GALNT18: variants seen among roughly 807,000 people sequenced by gnomAD.
GALNT18 encodes the protein GalNAc-transferase 18.
GALNT18 carries 44 observed loss-of-function variants against 69.5 expected under a neutral mutation model. That is an observed-to-expected ratio of 0.63 (90% CI 0.50 to 0.81). The LOEUF (loss-of-function observed/expected upper bound fraction) is 0.81, where lower values mean the gene tolerates loss of function less well. Among genes scored for constraint, GALNT18 ranks in the 40% least tolerant of loss-of-function variants. GALNT18 has a pLI of 0.00. For synonymous variants in GALNT18, 364 were observed against 318.2 expected (o/e 1.14, Z -1.53); for missense variants, 715 against 810.0 (o/e 0.88, Z 1.42).
At chr11:11,308,625 T>C (rs1052962735) in intron 9 of GALNT18, among the ~76,000 whole-genome samples, 1 of 152,160 alleles carries the variant, frequency 6.6e-6, no homozygotes, top group African/African-American at 2.4e-5. Flanking sequence ...GGATTCAAGG[T>C]GGAGTTGACA....
At chr11:11,434,930 T>G (rs770848251) in intron 2 of GALNT18, among the ~76,000 whole-genome samples, 1 of 152,218 alleles carries the variant, frequency 6.6e-6, no homozygotes, top group East Asian at 1.9e-4. Context: ...AGACCAGCAG[T>G]TGGGTTTTCC....
Position 11,564,451 on chromosome 11 carries a change from A to AC in GALNT18, c.235+56907dup, listed in dbSNP as rs139973965. Reference sequence around the variant, plus strand: ...ACATAAAATAGCTCCATCACATGAGACCCCCCTGGGTCTTCTCATCCATGC... The same window carrying AC: ...ACATAAAATAGCTCCATCACATGAGACCCCCCCTGGGTCTTCTCATCCATGC... On this transcript the variant is annotated intron_variant, in intron 1 of 10. Coordinates refer to ENST00000227756, the MANE Select transcript of GALNT18 (RefSeq NM_198516.3). This position sits in a 1 kb window ranked among gnomAD's most constrained non-coding sequence, Gnocchi z 4.3. Among the ~76,000 whole-genome samples, 883 of 151,786 alleles carry AC rather than the reference A, an allele frequency of 5.8e-3. 5 individuals are homozygous for AC. The highest frequency in any genetic ancestry group is 0.021 in the African/African-American group (852 of 41,332).
intron 1 of GALNT18, among the ~76,000 whole-genome samples, chr11:11,509,532 C>A (rs1452462465): frequency 2.0e-5 from 3 of 152,230 alleles, no homozygotes; most frequent in East Asian, 3.8e-4. Context: ...GGCCTAGCAT[C>A]ATGTGCTATG....
chr11:11,273,043 G>T (rs148300026), intron 10 of GALNT18, among the ~76,000 whole-genome samples: 1 of 152,128 alleles, frequency 6.6e-6, no homozygotes, highest in South Asian at 2.1e-4. Context: ...ATCAAAATAG[G>T]TTAAAGACTT....
intron 6 of GALNT18, among the ~76,000 whole-genome samples, chr11:11,357,413 G>T (rs1405813061): frequency 1.3e-5 from 2 of 152,076 alleles, no homozygotes; most frequent in East Asian, 3.9e-4. Context: ...GAGTCCCTCT[G>T]CCTCCCTTTC....
chr11:11,504,539 T>C (rs985050771), intron 1 of GALNT18, among the ~76,000 whole-genome samples: 7 of 152,172 alleles, frequency 4.6e-5, no homozygotes, highest in African/African-American at 1.7e-4. Flanking sequence ...GGTGGATTGC[T>C]TGAGCTCAGG....
chr11:11,618,981 C>T lies in GALNT18; in HGVS notation c.235+2378G>A, dbSNP rs1427935301. Among the ~76,000 whole-genome samples the T allele has an allele frequency of 6.6e-6, 1 of 152,132 alleles. No homozygotes were observed. Among genetic ancestry groups the T allele is most frequent in the Admixed American group, 6.5e-5 (1 of 15,284 alleles). ...GCTTGATCTTATTGTCCTTTACCAC[C>T]CTCTGCCTTCAGAGAGCTGCACTTG... On this transcript the variant is annotated intron_variant, in intron 1 of 10. Transcript: ENST00000227756. This position sits in a 1 kb window ranked among gnomAD's most constrained non-coding sequence, Gnocchi z 6.1.
At chr11:11,574,375 G>A (rs1247791563) in intron 1 of GALNT18, among the ~76,000 whole-genome samples, 1 of 152,226 alleles carries the variant, frequency 6.6e-6, no homozygotes, top group Non-Finnish European at 1.5e-5. Context: ...CTGAGGGCTG[G>A]ATAGGTACCA....
At position 11,605,423 on chromosome 11, in the gene GALNT18, G is replaced by A. The variant is rs1043586831; in HGVS notation, c.235+15936C>T. ...CTGTCTCCTGAGTGCGAAACAGCAAGTCCTAACTTGCCAGGCCGCCAGTCA... is the reference window on the plus strand; with the variant it reads ...CTGTCTCCTGAGTGCGAAACAGCAAATCCTAACTTGCCAGGCCGCCAGTCA... On this transcript the variant is annotated intron_variant, in intron 1 of 10. Coordinates refer to ENST00000227756, the MANE Select transcript of GALNT18 (RefSeq NM_198516.3). The surrounding 1 kb of genome is among the most constrained non-coding windows in gnomAD (Gnocchi z 4.7). Among the ~76,000 whole-genome samples, 1 of 152,190 alleles carries A rather than the reference G, an allele frequency of 6.6e-6. No homozygotes were observed. The highest frequency in any genetic ancestry group is 1.9e-4 in the East Asian group (1 of 5,196).
intron 9 of GALNT18, among the ~76,000 whole-genome samples, chr11:11,326,020 C>T (rs1849910986): frequency 6.6e-6 from 1 of 150,616 alleles, no homozygotes; most frequent in African/African-American, 2.4e-5. Context: ...CACACATAGG[C>T]ATATCTTACA....
At chr11:11,508,009 A>C in intron 1 of GALNT18, among the ~76,000 whole-genome samples, 1 of 152,240 alleles carries the variant, frequency 6.6e-6, no homozygotes, top group East Asian at 1.9e-4. Context: ...GTATGACGGC[A>C]TTATTGTATA....
Position 11,396,372 on chromosome 11 carries a change from C to T in GALNT18, c.596-17108G>A, listed in dbSNP as rs1854328176. Among the ~76,000 whole-genome samples the T allele has an allele frequency of 6.6e-6, 1 of 152,064 alleles. No homozygotes were observed. Among genetic ancestry groups the T allele is most frequent in the Admixed American group, 6.6e-5 (1 of 15,262 alleles). On this transcript the variant is annotated intron_variant, in intron 3 of 10. Coordinates refer to ENST00000227756, the MANE Select transcript of GALNT18 (RefSeq NM_198516.3). The surrounding 1 kb of genome is among the most constrained non-coding windows in gnomAD (Gnocchi z 5.2). ...TTGCTTAGAGATTAAATGATGTCATCAGCAGTGGGGGGAGGAGAAACGCAT... is the reference window on the plus strand; with the variant it reads ...TTGCTTAGAGATTAAATGATGTCATTAGCAGTGGGGGGAGGAGAAACGCAT...
Position 11,496,057 on chromosome 11 carries a change from G to T in GALNT18, c.236-47121C>A, listed in dbSNP as rs1027423706. ...CATGACTAAAGCAACTGAGGCTCAG[G>T]AAGAACAAGTAACTTGTCTAAGGAC... On this transcript the variant is annotated intron_variant, in intron 1 of 10. Transcript: ENST00000227756. This position sits in a 1 kb window ranked among gnomAD's most constrained non-coding sequence, Gnocchi z 4.0. 6.6e-6 allele frequency among the ~76,000 whole-genome samples: 1 copy of T among 152,208 alleles called. No homozygotes were observed. The highest frequency in any genetic ancestry group is 1.5e-5 in the Non-Finnish European group (1 of 68,030).
intron 3 of GALNT18, among the ~76,000 whole-genome samples, chr11:11,419,607 A>AG (rs1854948923): frequency 6.7e-6 from 1 of 149,774 alleles, no homozygotes; most frequent in Non-Finnish European, 1.5e-5. Context: ...AAAAAAAAAA[A>AG]AAAAAAAAAA....
intron 1 of GALNT18, among the ~76,000 whole-genome samples, chr11:11,504,913 T>C (rs948703835): frequency 6.6e-6 from 1 of 152,288 alleles, no homozygotes; most frequent in African/African-American, 2.4e-5. Flanking sequence ...TCCCTGTCCT[T>C]TTTCCATTTA....
intron 6 of GALNT18, among the ~76,000 whole-genome samples, chr11:11,350,313 C>T (rs1338083629): frequency 6.6e-6 from 1 of 152,196 alleles, no homozygotes; most frequent in Non-Finnish European, 1.5e-5. Flanking sequence ...GACTGGGCCA[C>T]AGGAGTTCAG....
At chr11:11,456,882 G>C (rs1590019915) in intron 1 of GALNT18, among the ~76,000 whole-genome samples, 1 of 152,294 alleles carries the variant, frequency 6.6e-6, no homozygotes, top group African/African-American at 2.4e-5. Flanking sequence ...CTGACACACA[G>C]CCCATTGATA....
At chr11:11,513,442 C>T (rs1857203085) in intron 1 of GALNT18, among the ~76,000 whole-genome samples, 1 of 152,208 alleles carries the variant, frequency 6.6e-6, no homozygotes, top group Admixed American at 6.5e-5. Flanking sequence ...CCACTGGCCA[C>T]AGGGTCTATC....
At chr11:11,466,526 T>G (rs1262223267) in intron 1 of GALNT18, among the ~76,000 whole-genome samples, 1 of 152,222 alleles carries the variant, frequency 6.6e-6, no homozygotes, top group East Asian at 1.9e-4. Flanking sequence ...TGGAGCCCCC[T>G]TGGGGACAGT....
Sources: gnomAD v4.1 joint callset for allele counts (sites outside exome capture counted in the v4.1 genomes callset) on GRCh38, gnomAD v4.1.1 for gene constraint, Gnocchi (gnomAD v3.1) non-coding constraint, MANE v1.5 for transcripts, NCBI Gene and HGNC (gene_info 2026-07-23, HGNC 2026-07-21) for gene names.